Variants in FAM222A observed in about 807,000 individuals in gnomAD.
The protein encoded by FAM222A is protein FAM222A.
In FAM222A, 7 loss-of-function variants were observed where a neutral mutation model predicts 25.8. The observed-to-expected ratio is 0.27, with a 90% CI of 0.15 to 0.51. FAM222A has a LOEUF of 0.51. Ranked by LOEUF, FAM222A falls within the 20% of genes least tolerant of loss-of-function variation. The pLI, the probability that FAM222A is intolerant of heterozygous loss-of-function variation, is 0.97. For synonymous variants in FAM222A, 294 were observed against 298.8 expected, an observed-to-expected ratio of 0.98 and a Z score of 0.17; for missense variants, 573 against 640.5, an observed-to-expected ratio of 0.89 and a Z score of 1.14.
At chr12:109,720,583 G>C (rs1358660940) in intron 1 of FAM222A, among the ~76,000 whole-genome samples, 2 of 152,262 alleles carry the variant, frequency 1.3e-5, no homozygotes, top group Non-Finnish European at 2.9e-5. Context: ...GAGGGCAGCT[G>C]TGAGGTTTGG....
At chr12:109,718,891 G>A (rs1048595307) in intron 1 of FAM222A, among the ~76,000 whole-genome samples, 2 of 152,224 alleles carry the variant, frequency 1.3e-5, no homozygotes, top group Non-Finnish European at 2.9e-5. Flanking sequence ...CTGGGAAGAG[G>A]GATGGATTCC....
chr12:109,718,426 C>T (rs1340655956), intron 1 of FAM222A, among the ~76,000 whole-genome samples: 1 of 152,030 alleles, frequency 6.6e-6, no homozygotes, highest in African/African-American at 2.4e-5. Context: ...CCCTCACAAA[C>T]CGGAGGAAGG....
At chr12:109,720,089 G>A (rs1289036874) in intron 1 of FAM222A, 1 of 985,344 alleles carries the variant, frequency 1.0e-6, no homozygotes, top group African/African-American at 1.7e-5. Context: ...AGGGGGCTTA[G>A]CTGAGCCCCT....
chr12:109,749,519 ATTG>A, intron 2 of FAM222A, among the ~76,000 whole-genome samples: 1 of 152,114 alleles, frequency 6.6e-6, no homozygotes, highest in Non-Finnish European at 1.5e-5. Flanking sequence ...ACCTATGCTA[ATTG>A]TTGTGAGCTT....
At chr12:109,765,224 C>T (rs1480771536) in intron 2 of FAM222A, among the ~76,000 whole-genome samples, 2 of 152,246 alleles carry the variant, frequency 1.3e-5, no homozygotes, top group Admixed American at 6.5e-5. Context: ...GGACTGGACC[C>T]TTTTCTGTGG....
chr12:109,768,859 C>G lies in FAM222A; in HGVS notation c.930C>G (p.Ser310Arg). 1 of 1,583,752 alleles carries G rather than the reference C, an allele frequency of 6.3e-7. No individual in the cohort carries two copies. The highest frequency in any genetic ancestry group is 8.5e-7 in the Non-Finnish European group (1 of 1,171,944). The change falls in exon 3 of 3, where the codon AGC (serine) becomes AGG (arginine). Residue 310 changes from serine to arginine, a missense_variant. Ser to Arg is a moderately radical substitution (Grantham distance 110, BLOSUM62 -1). Around this residue, in one of 3 missense-constraint regions of FAM222A, gnomAD observed 412 missense variants for 407.0 expected, o/e 1.01. Transcript: ENST00000538780. Reference sequence around the variant, plus strand: ...CCTACAGTGGGAGCACGGTGGCCAGCAAGTCCCCTGAGGCTTGCGGGGGCC... The same window carrying G: ...CCTACAGTGGGAGCACGGTGGCCAGGAAGTCCCCTGAGGCTTGCGGGGGCC... ...LRAYSGSTVA[S>R]KSPEACGGRA...
chr12:109,719,781 G>C (rs1011821821), intron 1 of FAM222A, among the ~76,000 whole-genome samples: 4 of 152,108 alleles, frequency 2.6e-5, no homozygotes, highest in Non-Finnish European at 5.9e-5. Context: ...GGTGTGCAGG[G>C]GGCATCGGGT....
At chr12:109,747,134 C>T (rs1271814692) in intron 2 of FAM222A, among the ~76,000 whole-genome samples, 1 of 152,304 alleles carries the variant, frequency 6.6e-6, no homozygotes, top group East Asian at 1.9e-4. Flanking sequence ...CACTCTGTTT[C>T]CCAGGCTGGA....
intron 1 of FAM222A, among the ~76,000 whole-genome samples, chr12:109,717,482 A>T (rs1463358856): frequency 6.6e-6 from 1 of 152,294 alleles, no homozygotes; most frequent in East Asian, 1.9e-4. Context: ...GAGGTGGCAC[A>T]TGAGTCATGA....
intron 1 of FAM222A, among the ~76,000 whole-genome samples, chr12:109,726,235 A>G (rs1365202368): frequency 6.6e-6 from 1 of 151,262 alleles, no homozygotes; most frequent in Non-Finnish European, 1.5e-5. Context: ...CATCAGGTTT[A>G]TGGTCCACCT....
At position 109,768,742 on chromosome 12, in the gene FAM222A, GGCC is replaced by G. The variant is rs1565850317; in HGVS notation, c.817_819del (p.Ala273del). On this transcript the variant is annotated inframe_deletion, in exon 3 of 3. Transcript: ENST00000538780. The stretch of plus-strand genomic sequence containing the variant: ...CCACCCAAGCCTTGACGTTGGCTGG[GGCC>G]GCCAAGCCTGCAGGGTACGCAGACA... The G allele has an allele frequency of 1.3e-6, 2 of 1,579,096 alleles. No homozygotes were observed. The highest frequency in any genetic ancestry group is 1.7e-6 in the Non-Finnish European group (2 of 1,166,948).
chr12:109,746,523 G>A (rs1295950438), intron 2 of FAM222A, among the ~76,000 whole-genome samples: 1 of 151,966 alleles, frequency 6.6e-6, no homozygotes, highest in Non-Finnish European at 1.5e-5. Context: ...CTCTCTATAT[G>A]ACTTATAGTT....
intron 2 of FAM222A, among the ~76,000 whole-genome samples, chr12:109,755,287 C>CTTTTTTTTTTTTTTTTTTTTTTTTTTTT (rs540689300): frequency 6.1e-5 from 3 of 49,384 alleles, no homozygotes; most frequent in Non-Finnish European, 6.9e-5. Context: ...TGTAATTCTT[C>CTTTTTTTTTTTTTTTTTTTTTTTTTTTT]TTTTTTTTTT....
chr12:109,714,706 C>G lies in FAM222A; in HGVS notation c.-238C>G, dbSNP rs1054811662. 8 of 152,232 alleles carry G rather than the reference C, an allele frequency of 5.3e-5. No individual in the cohort carries two copies. Among genetic ancestry groups the G allele is most frequent in the African/African-American group, 1.7e-4 (7 of 41,454 alleles). 9.4% of individuals were successfully genotyped at this position (152,232 alleles called of 1,614,324 possible). ...GCTGAACGGAGACCTCCCCTCCCCC[C>G]CGACTTCGGACGGCGCAGGCCGGCG... On this transcript the variant is annotated 5_prime_UTR_variant, in exon 1 of 3. Transcript: ENST00000538780. The surrounding 1 kb of genome is among the most constrained non-coding windows in gnomAD (Gnocchi z 4.2).
intron 2 of FAM222A, among the ~76,000 whole-genome samples, chr12:109,747,342 G>A (rs531369944): frequency 5.9e-5 from 9 of 152,218 alleles, no homozygotes; most frequent in South Asian, 4.2e-4. Flanking sequence ...TGATTCACCC[G>A]CCTTAGCCTC....
At chr12:109,744,643 C>T in intron 2 of FAM222A, 1 of 982,984 alleles carries the variant, frequency 1.0e-6, no homozygotes, top group Non-Finnish European at 1.2e-6. Context: ...TGGGTGTTTC[C>T]TTCCCTCTCT....
chr12:109,751,323 A>G (rs1324200172), intron 2 of FAM222A, among the ~76,000 whole-genome samples: 1 of 151,972 alleles, frequency 6.6e-6, no homozygotes, highest in African/African-American at 2.4e-5. Flanking sequence ...TATGATCTTC[A>G]TCTCTTCTGT....
intron 1 of FAM222A, among the ~76,000 whole-genome samples, chr12:109,738,257 G>T (rs545854026): frequency 6.6e-6 from 1 of 152,180 alleles, no homozygotes; most frequent in African/African-American, 2.4e-5. Flanking sequence ...AGAGAGGTCT[G>T]GACTTTCTGA....
Position 109,768,639 on chromosome 12 carries a change from C to G in FAM222A, c.710C>G (p.Pro237Arg). Residue 237 changes from proline (P) to arginine (R), a missense_variant, in exon 3 of 3, where the codon CCC becomes CGC. Transcript: ENST00000538780. ...HPSPAKHGPV[P>R]SFPSMAYSAA... ...AGCCCTGCCAAGCACGGCCCAGTGC[C>G]CAGCTTCCCCAGCATGGCCTACTCG... 1 of 1,601,294 alleles carries G rather than the reference C, an allele frequency of 6.2e-7. No homozygotes were observed.
Sources: allele counts gnomAD v4.1 joint callset (sites outside exome capture counted in the v4.1 genomes callset), GRCh38; gene constraint gnomAD v4.1.1; regional missense constraint gnomAD v4.1.1; non-coding constraint Gnocchi (gnomAD v3.1); transcripts MANE v1.5; gene names NCBI Gene and HGNC (gene_info 2026-07-23, HGNC 2026-07-21).